The following ANP32E variants were observed in gnomAD, a reference collection of about 807,000 sequenced individuals.
The protein encoded by ANP32E is acidic leucine-rich nuclear phosphoprotein 32 family member E.
In ANP32E, 14 loss-of-function variants were observed where a neutral mutation model predicts 35.3. The observed-to-expected ratio is 0.40, with a 90% CI of 0.26 to 0.62. ANP32E has a LOEUF of 0.62. Ranked by LOEUF, ANP32E falls within the 20% of genes least tolerant of loss-of-function variation. ANP32E has a pLI of 0.45. For synonymous variants in ANP32E, 89 were observed against 110.4 expected, an observed-to-expected ratio of 0.81 and a Z score of 1.22; for missense variants, 198 against 304.4, an observed-to-expected ratio of 0.65 and a Z score of 2.60.
In ANP32E at chr1:150,231,807, G is replaced by C; in HGVS notation, c.174C>G (p.Ala58=). ...GAAGTTTATTTAAGCTGGGAAGCCG[G>C]GCCAGCGAACTTAGTTCCACATTAG... ...SMANVELSSL[A]RLPSLNKLRK... is the part of the protein sequence containing the mutation. The change falls in exon 2 of 7, where the codon GCC becomes GCG. Residue 58 remains alanine, a synonymous_variant. Transcript: ENST00000583931. 6.2e-7 allele frequency: 1 copy of C among 1,603,290 alleles called. No individual in the cohort carries two copies. Among genetic ancestry groups the C allele is most frequent in the South Asian group, 1.1e-5 (1 of 88,306 alleles).
chr1:150,230,454 C>A, intron 3 of ANP32E, 117 bp downstream of exon 3: 1 of 1,019,062 alleles, frequency 9.8e-7, no homozygotes, highest in Non-Finnish European at 1.4e-6. Context: ...CTGCCTAGAT[C>A]ACAACATACA....
intron 1 of ANP32E, chr1:150,234,452 CCACTCCA>C: frequency 3.3e-6 from 1 of 300,026 alleles, no homozygotes; most frequent in Non-Finnish European, 4.9e-6. Context: ...ATCTTAGTTG[CCACTCCA>C]CACGCCGGAC....
At chr1:150,230,148 G>T (rs1553841323) in intron 3 of ANP32E, among the ~76,000 whole-genome samples, 1 of 151,948 alleles carries the variant, frequency 6.6e-6, no homozygotes, top group Non-Finnish European at 1.5e-5. Flanking sequence ...CCAAGTGCTG[G>T]GATTACAGAC....
At chr1:150,224,794 TA>T (rs1166409178) in intron 5 of ANP32E, among the ~76,000 whole-genome samples, 33 of 152,146 alleles carry the variant, frequency 2.2e-4, no homozygotes, top group African/African-American at 7.7e-4. Flanking sequence ...TTTTTAATAA[TA>T]AAAAATACTT....
chr1:150,220,750 G>C lies in ANP32E; in HGVS notation c.748C>G (p.Leu250Val). ...EEEEEEEEGG[L>V]RGEKRKRDAE... ...TCTCGTTTCCTCTTCTCCCCTCGAA[G>C]ACCTCCTTCTTCTTAAAGAGTGGAA... Residue 250 changes from leucine (L) to valine (V), a missense_variant, in exon 7 of 7, where the codon CTT (leucine) becomes GTT (valine). Physicochemically the swap from Leu to Val is conservative, Grantham distance 32. Around this residue, in one of 4 missense-constraint regions of ANP32E, gnomAD observed 121 missense variants for 137.3 expected, o/e 0.88. Transcript: ENST00000583931. 6.2e-7 allele frequency: 1 copy of C among 1,613,682 alleles called. No homozygotes were observed.
chr1:150,226,936 T>C (rs1228856370), intron 4 of ANP32E, 141 bp from the exon 5 acceptor site: 8 of 1,226,490 alleles, frequency 6.5e-6, no homozygotes, highest in Non-Finnish European at 7.5e-6. Context: ...CTTTTTTTTT[T>C]TTAAGATTTC....
At chr1:150,223,303 T>A (rs1237942335) in intron 5 of ANP32E, 63 bp from the exon 6 acceptor site, 2 of 1,503,472 alleles carry the variant, frequency 1.3e-6, no homozygotes, top group African/African-American at 2.8e-5. Context: ...CTCTTTCTTG[T>A]AATATATTCC....
chr1:150,233,287 A>T (rs1426504982), intron 1 of ANP32E, among the ~76,000 whole-genome samples: 1 of 140,220 alleles, frequency 7.1e-6, no homozygotes, highest in Non-Finnish European at 1.5e-5. Context: ...AAAAAAAAAA[A>T]ACCTACAAAG....
At chr1:150,233,320 T>C (rs1649525422) in intron 1 of ANP32E, among the ~76,000 whole-genome samples, 1 of 151,314 alleles carries the variant, frequency 6.6e-6, no homozygotes, top group Admixed American at 6.6e-5. Flanking sequence ...TTAATCACTT[T>C]TTCAGTTTAA....
intron 6 of ANP32E, 27 bp downstream of exon 6, chr1:150,223,159 A>C (rs782567854): frequency 6.8e-7 from 1 of 1,478,412 alleles, no homozygotes; most frequent in South Asian, 1.3e-5. Context: ...TTAATTTTAT[A>C]ATTTGTTTAT....
rs781796831 is a variant in ANP32E at position 150,223,202 on chromosome 1, T to C, written c.720A>G (p.Glu240=). The C allele has an allele frequency of 1.8e-5, 27 of 1,524,368 alleles. No homozygotes were observed. In the Admixed American group the frequency reaches 5.1e-4, roughly 29 times the overall value. 94.4% of individuals were successfully genotyped at this position (1,524,368 alleles called of 1,614,324 possible). ...EDDDDYVEEG[E]EEEEEEEGGL... is the part of the protein sequence containing the mutation. The stretch of plus-strand genomic sequence containing the variant: ...GTAACTCACCCTCTTCTTCCTCTTC[T>C]TCCCCTTCTTCAACATAGTCATCAT... The change falls in exon 6 of 7, where the codon GAA becomes GAG. Residue 240 remains glutamate, a synonymous_variant. Coordinates refer to ENST00000583931, the MANE Select transcript of ANP32E (RefSeq NM_030920.5).
At chr1:150,233,902 A>T (rs1343417458) in intron 1 of ANP32E, among the ~76,000 whole-genome samples, 1 of 151,992 alleles carries the variant, frequency 6.6e-6, no homozygotes, top group Non-Finnish European at 1.5e-5. Context: ...CTCCCCGTTT[A>T]GCTGAGGAGT....
At chr1:150,222,423 A>AAAT (rs1418002897) in intron 6 of ANP32E, among the ~76,000 whole-genome samples, 1,160 of 38,756 alleles carry the variant, frequency 0.03, 16 homozygotes, top group East Asian at 0.057. Context: ...CATCTCAAAA[A>AAAT]AAATAAATAA....
At chr1:150,224,774 A>G (rs1346733522) in intron 5 of ANP32E, among the ~76,000 whole-genome samples, 1 of 152,216 alleles carries the variant, frequency 6.6e-6, no homozygotes, top group Admixed American at 6.5e-5. Context: ...AGTCTAAATA[A>G]GAGATGTTAT....
chr1:150,220,864 G>C (rs1190395591), intron 6 of ANP32E, 103 bp from the exon 7 acceptor site: 1 of 929,920 alleles, frequency 1.1e-6, no homozygotes, highest in Non-Finnish European at 1.7e-6. Flanking sequence ...GCCTAGCACG[G>C]TGGCTCACAC....
At chr1:150,228,532 AT>A (rs1553840730) in intron 4 of ANP32E, among the ~76,000 whole-genome samples, 1 of 152,092 alleles carries the variant, frequency 6.6e-6, no homozygotes, top group African/African-American at 2.4e-5. Flanking sequence ...TCTACTAAAA[AT>A]ACAAAAAAAT....
chr1:150,226,742 C>G lies in ANP32E; in HGVS notation c.547G>C (p.Gly183Arg). 2 of 1,592,054 alleles carry G rather than the reference C, an allele frequency of 1.3e-6. No individual in the cohort carries two copies. Among genetic ancestry groups the G allele is most frequent in the Non-Finnish European group, 1.7e-6 (2 of 1,161,504 alleles). The change falls in exon 5 of 7, where the codon GGA becomes CGA. Residue 183 changes from glycine (G) to arginine (R), a missense_variant. Physicochemically the swap from Gly to Arg is moderately radical, Grantham distance 125. Transcript: ENST00000583931. The stretch of plus-strand genomic sequence containing the variant: ...TCTTCCTCCTCCTCTTCCTCATATC[C>G]TTCCGGTGGACCAGCTTCATTTTCC... ...EEENEAGPPE[G>R]YEEEEEEEEE...
chr1:150,227,570 G>A (rs1553840459), intron 4 of ANP32E, among the ~76,000 whole-genome samples: 1 of 151,520 alleles, frequency 6.6e-6, no homozygotes, highest in East Asian at 2.0e-4. Flanking sequence ...ACATAAAGAT[G>A]GGAACAGACA....
chr1:150,231,942 CATTA>C lies in ANP32E; in HGVS notation c.55-20_55-17del, dbSNP rs782738167. On this transcript the variant is annotated splice_polypyrimidine_tract_variant and intron_variant, in intron 1 of 6. Coordinates refer to ENST00000583931, the MANE Select transcript of ANP32E (RefSeq NM_030920.5). ...ACTCTGTCACCTGTAAGAGGGAAAA[CATTA>C]ATTAATGATTCTTTAGTTTGTAATC... 5 of 1,606,596 alleles carry C rather than the reference CATTA, an allele frequency of 3.1e-6. No individual in the cohort carries two copies. Among genetic ancestry groups the C allele is most frequent in the Admixed American group, 1.7e-5 (1 of 58,280 alleles).
Sources: gnomAD v4.1 joint callset for allele counts (sites outside exome capture counted in the v4.1 genomes callset) on GRCh38, gnomAD v4.1.1 for gene constraint, gnomAD v4.1.1 regional missense constraint, MANE v1.5 for transcripts, NCBI Gene and HGNC (gene_info 2026-07-23, HGNC 2026-07-21) for gene names.